TMEM204: variants seen among roughly 807,000 people sequenced by gnomAD.
The protein encoded by TMEM204 is claudin-like protein 24.
In TMEM204, 15 loss-of-function variants were observed where a neutral mutation model predicts 19.4. The observed-to-expected ratio is 0.77, with a 90% CI of 0.52 to 1.19. TMEM204 has a LOEUF of 1.19. Among genes scored for constraint, TMEM204 ranks in the 50% most tolerant of loss-of-function variants. TMEM204 has a pLI of 0.00. For missense variants in TMEM204, 287 were observed against 321.2 expected (o/e 0.89, Z 0.81); for synonymous variants, 161 against 146.0 (o/e 1.10, Z -0.74).
In TMEM204 at chr16:1,552,000, T is replaced by C. The variant is rs1182001890; in HGVS notation, c.437-2782T>C. Among the ~76,000 whole-genome samples, 2 of 152,156 alleles carry C rather than the reference T, an allele frequency of 1.3e-5. No homozygotes were observed. Among genetic ancestry groups the C allele is most frequent in the Non-Finnish European group, 2.9e-5 (2 of 68,034 alleles). On this transcript the variant is annotated intron_variant, in intron 2 of 2. Coordinates refer to ENST00000566264, the MANE Select transcript of TMEM204 (RefSeq NM_024600.6). The surrounding 1 kb of genome is among the most constrained non-coding windows in gnomAD (Gnocchi z 4.0). Reference sequence around the variant, plus strand: ...AATGACGGTACCTCCAGGTCCCCTATGTGTGGAAACTGACCCCCACGGCAA... The same window carrying C: ...AATGACGGTACCTCCAGGTCCCCTACGTGTGGAAACTGACCCCCACGGCAA...
At chr16:1,539,853 C>A (rs1182399487) in intron 1 of TMEM204, among the ~76,000 whole-genome samples, 1 of 152,220 alleles carries the variant, frequency 6.6e-6, no homozygotes, top group Non-Finnish European at 1.5e-5. Context: ...GACTCCTCAG[C>A]AGCCCGGGGA....
chr16:1,533,352 T>C (rs2030708342), upstream of TMEM204: 2 of 138,398 alleles, frequency 1.4e-5, no homozygotes, highest in Admixed American at 1.4e-4. This position sits in a 1 kb window ranked among gnomAD's most constrained non-coding sequence, Gnocchi z 4.7. Context: ...GGCAACTGGA[T>C]GGCTGGGGGG....
chr16:1,542,314 C>T (rs575523022), intron 2 of TMEM204, among the ~76,000 whole-genome samples: 1 of 152,352 alleles, frequency 6.6e-6, no homozygotes, highest in African/African-American at 2.4e-5. Context: ...GACCACCTGG[C>T]GTGTCTGTCA....
In TMEM204 at chr16:1,554,890, C is replaced by T. The variant is rs2032962974; in HGVS notation, c.545C>T (p.Ala182Val). The stretch of plus-strand genomic sequence containing the variant: ...GGCGCCTGCCTTCTGGCCACGCTGG[C>T]GGCAGCCATGCTCATCTGGAACATT... ...NIGACLLATL[A>V]AAMLIWNILH... Residue 182 changes from alanine to valine, a missense_variant, in exon 3 of 3, where the codon GCG (alanine) becomes GTG (valine). Physicochemically the swap from Ala to Val is moderately conservative, Grantham distance 64. Coordinates refer to ENST00000566264, the MANE Select transcript of TMEM204 (RefSeq NM_024600.6). 3 of 1,614,218 alleles carry T rather than the reference C, an allele frequency of 1.9e-6. No homozygotes were observed. Among genetic ancestry groups the T allele is most frequent in the Non-Finnish European group, 2.5e-6 (3 of 1,180,048 alleles).
intron 2 of TMEM204, among the ~76,000 whole-genome samples, chr16:1,552,428 A>G (rs1029456432): frequency 1.9e-4 from 29 of 151,746 alleles, no homozygotes; most frequent in African/African-American, 6.3e-4. Flanking sequence ...GAGCCCTGAC[A>G]CCAGCACAAC....
intron 2 of TMEM204, among the ~76,000 whole-genome samples, chr16:1,547,951 AAGGTGTGGG>A (rs2032310719): frequency 1.3e-5 from 2 of 152,206 alleles, no homozygotes; most frequent in Non-Finnish European, 2.9e-5. Flanking sequence ...TGCTAGGATG[AAGGTGTGGG>A]CCACTGCAAT....
At chr16:1,541,659 C>T (rs972733077) in intron 1 of TMEM204, 3 of 327,840 alleles carry the variant, frequency 9.2e-6, no homozygotes, top group Non-Finnish European at 1.3e-5. Context: ...AGAGTAGGGC[C>T]CGTCCCTGCA....
intron 2 of TMEM204, among the ~76,000 whole-genome samples, chr16:1,552,284 C>A (rs1248001542): frequency 6.6e-6 from 1 of 152,092 alleles, no homozygotes; most frequent in East Asian, 1.9e-4. Context: ...TTGCATCGCC[C>A]CCCTGCTGGG....
chr16:1,541,420 A>G (rs141504312), intron 1 of TMEM204: 4 of 985,304 alleles, frequency 4.1e-6, no homozygotes, highest in Middle Eastern at 5.2e-4. Context: ...CACCACCATG[A>G]GCCGCTTGGG....
At chr16:1,539,344 G>A (rs1478767398) in intron 1 of TMEM204, among the ~76,000 whole-genome samples, 10 of 151,414 alleles carry the variant, frequency 6.6e-5, no homozygotes, top group Admixed American at 5.9e-4. Flanking sequence ...TGGTGCAAAT[G>A]CCGCCCCACG....
intron 2 of TMEM204, chr16:1,552,978 A>G (rs907232176): frequency 8.1e-6 from 8 of 985,234 alleles, no homozygotes; most frequent in Admixed American, 6.1e-5. Context: ...AATAAAACAG[A>G]AGTATCCAGG....
intron 2 of TMEM204, among the ~76,000 whole-genome samples, chr16:1,549,029 G>A (rs1239207852): frequency 6.6e-6 from 1 of 152,222 alleles, no homozygotes; most frequent in Non-Finnish European, 1.5e-5. Context: ...CTCCAGCAGC[G>A]GTGCCCCTGC....
Position 1,554,771 on chromosome 16 carries a change from C to T in TMEM204, c.437-11C>T. On this transcript the variant is annotated splice_polypyrimidine_tract_variant and intron_variant, in intron 2 of 2. Coordinates refer to ENST00000566264, the MANE Select transcript of TMEM204 (RefSeq NM_024600.6). ...TCAGACAAGGCCTCTCAACCCTTCT[C>T]TCATCTGCAGGTTTTGTCCTGGTCA... 1 of 1,613,740 alleles carries T rather than the reference C, an allele frequency of 6.2e-7. No individual in the cohort carries two copies. Among genetic ancestry groups the T allele is most frequent in the Non-Finnish European group, 8.5e-7 (1 of 1,179,688 alleles).
At chr16:1,549,067 G>A (rs991851356) in intron 2 of TMEM204, among the ~76,000 whole-genome samples, 6 of 152,158 alleles carry the variant, frequency 3.9e-5, no homozygotes, top group South Asian at 4.1e-4. Context: ...CGAGGGCAAC[G>A]TCCCGTTTTC....
At chr16:1,529,920 A>G (rs1413561647), upstream of TMEM204, among the ~76,000 whole-genome samples, 1 of 151,972 alleles carries the variant, frequency 6.6e-6, no homozygotes, top group Non-Finnish European at 1.5e-5. Flanking sequence ...CAAAAGAAAC[A>G]CTGTGTCCTC....
chr16:1,541,409 A>C (rs999913755), intron 1 of TMEM204: 2 of 985,222 alleles, frequency 2.0e-6, no homozygotes, highest in Admixed American at 6.2e-5. Context: ...GGAGGAGGGA[A>C]CACCACCATG....
chr16:1,534,216 C>T lies in TMEM204; in HGVS notation c.-60C>T, dbSNP rs781023466. 102 of 1,591,098 alleles carry T rather than the reference C, an allele frequency of 6.4e-5. 1 individual carries two copies. Among genetic ancestry groups the T allele is most frequent in the Non-Finnish European group, 6.1e-5 (72 of 1,175,418 alleles). ...CCTAGCAGCGTCGGCTCTCCCTGGA[C>T]GTGCGGCCGCGGACTGGGACTTGGC... On this transcript the variant is annotated 5_prime_UTR_variant, in exon 1 of 3. It adds an upstream start codon to the 5' untranslated region. Coordinates refer to ENST00000566264, the MANE Select transcript of TMEM204 (RefSeq NM_024600.6).
Position 1,555,233 on chromosome 16 carries a change from T to A in TMEM204, c.*207T>A. ...TACGTGTCGTGGGCCAACCTCGTTC[T>A]GCCTCCAGCTTTCCTGGTTAGCGCA... On this transcript the variant is annotated 3_prime_UTR_variant, in exon 3 of 3. Transcript: ENST00000566264. The A allele has an allele frequency of 1.6e-6, 1 of 621,072 alleles. No individual in the cohort carries two copies. Among genetic ancestry groups the A allele is most frequent in the Non-Finnish European group, 2.7e-6 (1 of 369,026 alleles). The allele number at this position is 621,072 out of a possible 1,614,324, so 38.5% of individuals were successfully genotyped here. A position where few individuals can be genotyped will look rare whatever the true frequency, so the allele number is the denominator to read the frequency against.
intron 2 of TMEM204, among the ~76,000 whole-genome samples, chr16:1,552,558 C>T (rs1012883001): frequency 6.6e-5 from 10 of 152,026 alleles, no homozygotes; most frequent in African/African-American, 1.9e-4. Context: ...ACACAAGCAT[C>T]GATACCACAC....
Sources: gnomAD v4.1 joint callset for allele counts (sites outside exome capture counted in the v4.1 genomes callset) on GRCh38, gnomAD v4.1.1 for gene constraint, Gnocchi (gnomAD v3.1) non-coding constraint, MANE v1.5 for transcripts, NCBI Gene and HGNC (gene_info 2026-07-23, HGNC 2026-07-21) for gene names.